Variants in KIF16B observed in about 807,000 individuals in gnomAD.
The protein encoded by KIF16B is kinesin-like protein KIF16B.
A neutral mutation model predicts 156.3 loss-of-function variants in KIF16B; 98 were observed. The observed-to-expected ratio is 0.63, with a 90% CI of 0.53 to 0.74. KIF16B has a LOEUF of 0.74. KIF16B is among the 30% of genes least tolerant of loss of function. The pLI is 0.00. For synonymous variants in KIF16B, 564 were observed against 583.7 expected (o/e 0.97, Z 0.49); for missense variants, 1,421 against 1,606.5 (o/e 0.88, Z 1.97).
intron 15 of KIF16B, among the ~76,000 whole-genome samples, chr20:16,411,888 A>C (rs1186456017): frequency 6.6e-6 from 1 of 151,046 alleles, no homozygotes; most frequent in Non-Finnish European, 1.5e-5. Context: ...TGGCCCTCAA[A>C]AACTTTTGGA....
chr20:16,495,110 TG>T (rs1389433355), intron 11 of KIF16B, among the ~76,000 whole-genome samples: 1 of 152,096 alleles, frequency 6.6e-6, no homozygotes, highest in Admixed American at 6.5e-5. Flanking sequence ...GAATGAAAAA[TG>T]CGTTCTGTGG....
rs144842155 is a variant in KIF16B at position 16,560,221 on chromosome 20, G to A, written c.47+13008C>T. On this transcript the variant is annotated intron_variant, in intron 1 of 25. Transcript: ENST00000354981. The stretch of plus-strand genomic sequence containing the variant: ...AACTTTAGGGAAAAGGATGAGAACA[G>A]ACCAGATATTTTCGTAAAGCCTTAT... Among the ~76,000 whole-genome samples the A allele has an allele frequency of 2.3e-3, 354 of 152,254 alleles. 1 individual carries two copies. The highest frequency in any genetic ancestry group is 7.8e-3 in the African/African-American group (322 of 41,544).
chr20:16,296,267 C>T (rs192108979), intron 25 of KIF16B, among the ~76,000 whole-genome samples: 36 of 152,272 alleles, frequency 2.4e-4, no homozygotes, highest in African/African-American at 7.9e-4. Flanking sequence ...CTTTTGTCTA[C>T]GCCACTTGTG....
chr20:16,559,594 C>A (rs1238728970), intron 1 of KIF16B, among the ~76,000 whole-genome samples: 3 of 146,016 alleles, frequency 2.1e-5, no homozygotes, highest in Non-Finnish European at 3.0e-5. Context: ...CATAAGGAGA[C>A]CCCATCTCTA....
chr20:16,513,532 T>C (rs986904764), intron 4 of KIF16B, among the ~76,000 whole-genome samples: 3 of 151,928 alleles, frequency 2.0e-5, no homozygotes, highest in Non-Finnish European at 4.4e-5. Flanking sequence ...TGGTGGCACA[T>C]GCCTGTAATC....
In KIF16B at chr20:16,515,163, T is replaced by C. The variant is rs561248172; in HGVS notation, c.348+385A>G. Reference sequence around the variant, plus strand: ...TCTATCAAAGAGTTAGAATTTTTTTTACATTTTTCTTGGGGAAAAATGTTT... The same window carrying C: ...TCTATCAAAGAGTTAGAATTTTTTTCACATTTTTCTTGGGGAAAAATGTTT... On this transcript the variant is annotated intron_variant, in intron 4 of 25. Transcript: ENST00000354981. Among the ~76,000 whole-genome samples the C allele has an allele frequency of 2.0e-3, 310 of 152,218 alleles. 2 individuals carry two copies. Among genetic ancestry groups the C allele is most frequent in the African/African-American group, 6.9e-3 (288 of 41,562 alleles).
At chr20:16,390,531 G>C (rs1214303062) in intron 17 of KIF16B, among the ~76,000 whole-genome samples, 1 of 152,000 alleles carries the variant, frequency 6.6e-6, no homozygotes, top group African/African-American at 2.4e-5. Flanking sequence ...CCAGAAGAAT[G>C]AGGCCCATAG....
chr20:16,551,767 G>A (rs959619350), intron 1 of KIF16B, among the ~76,000 whole-genome samples: 3 of 152,256 alleles, frequency 2.0e-5, no homozygotes, highest in African/African-American at 7.2e-5. Flanking sequence ...AGCATAGACA[G>A]AGAGCAACAC....
chr20:16,512,839 G>T lies in KIF16B; in HGVS notation c.433C>A (p.Arg145=), dbSNP rs527250713. The T allele has an allele frequency of 6.2e-7, 1 of 1,613,196 alleles. No homozygotes were observed. Among genetic ancestry groups the T allele is most frequent in the South Asian group, 1.1e-5 (1 of 91,062 alleles). The change falls in exon 5 of 26, where the codon CGA becomes AGA. Residue 145 remains arginine (R), a synonymous_variant. Transcript: ENST00000354981. The stretch of plus-strand genomic sequence containing the variant: ...CACAGGCCCTACCTGACTTCAGTTC[G>T]AAAAGAAGCTTCATCCCATCTGGTG... ...ETTRWDEASF[R]TEVSYLEIYN... is the part of the protein sequence containing the mutation.
At chr20:16,412,143 G>A (rs1224953310) in intron 15 of KIF16B, among the ~76,000 whole-genome samples, 2 of 151,770 alleles carry the variant, frequency 1.3e-5, no homozygotes, top group Non-Finnish European at 2.9e-5. Flanking sequence ...CATGAGAGAG[G>A]GAGAAAGAAA....
At chr20:16,449,128 G>C (rs781124493) in intron 12 of KIF16B, among the ~76,000 whole-genome samples, 5 of 151,994 alleles carry the variant, frequency 3.3e-5, no homozygotes, top group East Asian at 1.9e-4. Flanking sequence ...AACGTAATGG[G>C]AACTGCAGAG....
chr20:16,469,673 C>T (rs1254819717), intron 12 of KIF16B, among the ~76,000 whole-genome samples: 2 of 151,932 alleles, frequency 1.3e-5, no homozygotes, highest in Admixed American at 1.3e-4. Flanking sequence ...CATGACAACA[C>T]AAATGCTGAC....
At chr20:16,400,760 G>A (rs2065634108) in intron 17 of KIF16B, among the ~76,000 whole-genome samples, 1 of 152,240 alleles carries the variant, frequency 6.6e-6, no homozygotes, top group Non-Finnish European at 1.5e-5. Flanking sequence ...AAATAAGCCA[G>A]TGAGAAGAGG....
chr20:16,335,169 T>C (rs2064013596), intron 24 of KIF16B, among the ~76,000 whole-genome samples: 1 of 152,220 alleles, frequency 6.6e-6, no homozygotes, highest in African/African-American at 2.4e-5. Context: ...GCAGGCTAGT[T>C]AGACAATGAC....
intron 1 of KIF16B, among the ~76,000 whole-genome samples, chr20:16,562,589 A>AATGT (rs1231808055): frequency 6.6e-6 from 1 of 152,102 alleles, no homozygotes; most frequent in African/African-American, 2.4e-5. Context: ...GATACTTATA[A>AATGT]ATGTAACAAA....
intron 25 of KIF16B, among the ~76,000 whole-genome samples, chr20:16,312,077 C>T (rs1259327280): frequency 2.0e-5 from 3 of 152,162 alleles, no homozygotes; most frequent in East Asian, 1.9e-4. Flanking sequence ...CACTCACATC[C>T]TGCTTCCTAA....
intron 17 of KIF16B, among the ~76,000 whole-genome samples, chr20:16,399,078 C>G (rs2065585531): frequency 6.6e-6 from 1 of 152,128 alleles, no homozygotes; most frequent in South Asian, 2.1e-4. Flanking sequence ...GTAGGAGGTG[C>G]CATCAATGCT....
At chr20:16,283,705 T>A (rs2063181161) in intron 25 of KIF16B, among the ~76,000 whole-genome samples, 3 of 152,190 alleles carry the variant, frequency 2.0e-5, no homozygotes, top group Admixed American at 1.3e-4. Context: ...CACCTATTCA[T>A]TAGCTCATGG....
At chr20:16,428,519 G>A (rs1420659969) in intron 14 of KIF16B, among the ~76,000 whole-genome samples, 1 of 152,146 alleles carries the variant, frequency 6.6e-6, no homozygotes, top group African/African-American at 2.4e-5. Flanking sequence ...TGTATGCTGT[G>A]TTTTCTCCTA....
Sources: allele counts gnomAD v4.1 joint callset (sites outside exome capture counted in the v4.1 genomes callset), GRCh38; gene constraint gnomAD v4.1.1; transcripts MANE v1.5; gene names NCBI Gene and HGNC (gene_info 2026-07-23, HGNC 2026-07-21).